FRK: variants seen among roughly 807,000 people sequenced by gnomAD.
The protein encoded by FRK is tyrosine-protein kinase FRK.
FRK carries 51 observed loss-of-function variants against 56.4 expected under a neutral mutation model. That is an observed-to-expected ratio of 0.90 (90% CI 0.72 to 1.14). The LOEUF is 1.14. FRK is among the 50% of genes most tolerant of loss of function. FRK has a pLI of 0.00. For missense variants in FRK, 570 were observed against 601.4 expected (o/e 0.95, Z 0.55); for synonymous variants, 245 against 217.9 (o/e 1.12, Z -1.10).
intron 1 of FRK, among the ~76,000 whole-genome samples, chr6:116,024,511 C>A (rs957058785): frequency 6.6e-6 from 1 of 150,820 alleles, no homozygotes; most frequent in African/African-American, 2.4e-5. Context: ...TGAGAATATG[C>A]GGTGTTTGGT....
intron 2 of FRK, among the ~76,000 whole-genome samples, chr6:115,975,435 A>G (rs921557718): frequency 6.6e-6 from 1 of 152,202 alleles, no homozygotes; most frequent in African/African-American, 2.4e-5. Flanking sequence ...CAAATACAGA[A>G]TACGAACTGT....
chr6:115,961,441 G>T (rs1194703182), intron 4 of FRK, among the ~76,000 whole-genome samples: 1 of 123,318 alleles, frequency 8.1e-6, no homozygotes, highest in Middle Eastern at 3.8e-3. Flanking sequence ...AAAGTGATGT[G>T]GAGAATGGAA....
Position 115,938,128 on chromosome 6 carries a change from T to G in FRK, c.*4286A>C, listed in dbSNP as rs1772084735. 6.6e-6 allele frequency: 1 copy of G among 152,108 alleles called. No homozygotes were observed. The highest frequency in any genetic ancestry group is 2.1e-4 in the South Asian group (1 of 4,824). The allele number at this position is 152,108 out of a possible 1,614,324, so 9.4% of individuals were successfully genotyped here. ...AGAACGGAAGTCATAACAAACAGTC[T>G]CTAAGACCACAGTGCAATCAAATTA... On this transcript the variant is annotated 3_prime_UTR_variant, in exon 8 of 8. Transcript: ENST00000606080.
intron 2 of FRK, among the ~76,000 whole-genome samples, chr6:115,985,592 C>A (rs775905503): frequency 6.6e-6 from 1 of 151,930 alleles, no homozygotes; most frequent in Non-Finnish European, 1.5e-5. Context: ...AGCTGTGTGA[C>A]CTTGGACAGC....
intron 2 of FRK, among the ~76,000 whole-genome samples, chr6:115,996,782 G>A (rs1774857583): frequency 6.6e-6 from 1 of 152,136 alleles, no homozygotes; most frequent in Non-Finnish European, 1.5e-5. Context: ...TACTGAAGGA[G>A]TTTAAAATCT....
intron 3 of FRK, among the ~76,000 whole-genome samples, chr6:115,967,984 G>T (rs1258955668): frequency 4.6e-5 from 7 of 152,036 alleles, no homozygotes; most frequent in Non-Finnish European, 8.8e-5. Context: ...TCCTCACTCA[G>T]GTCTGGAATG....
chr6:116,019,501 T>C (rs187684291), intron 1 of FRK, among the ~76,000 whole-genome samples: 1 of 152,314 alleles, frequency 6.6e-6, no homozygotes, highest in East Asian at 1.9e-4. Flanking sequence ...CGATGACAAT[T>C]ATAACAATCA....
intron 5 of FRK, among the ~76,000 whole-genome samples, chr6:115,949,082 GT>G (rs377245917): frequency 3.9e-5 from 6 of 152,220 alleles, no homozygotes; most frequent in African/African-American, 1.4e-4. Flanking sequence ...TTGGCTCTCT[GT>G]TTTTCTATTA....
chr6:115,992,111 C>T (rs934397734), intron 2 of FRK, among the ~76,000 whole-genome samples: 3 of 151,236 alleles, frequency 2.0e-5, no homozygotes, highest in African/African-American at 4.8e-5. Context: ...TTTGTTTATC[C>T]TTTCAAAGAA....
rs547972436 is a variant in FRK, at chr6:115,940,228, G to A, written c.*2186C>T. On this transcript the variant is annotated 3_prime_UTR_variant, in exon 8 of 8. Transcript: ENST00000606080. ...AAACCTTACAAAAACAACCAATGGGGAAAGGATTCCCTATTTAATAAATGG... is the reference window on the plus strand; with the variant it reads ...AAACCTTACAAAAACAACCAATGGGAAAAGGATTCCCTATTTAATAAATGG... 6.6e-6 allele frequency: 1 copy of A among 152,290 alleles called. No homozygotes were observed. The highest frequency in any genetic ancestry group is 2.1e-4 in the South Asian group (1 of 4,824). The allele number at this position is 152,290 out of a possible 1,614,324, so 9.4% of individuals were successfully genotyped here.
Position 116,042,654 on chromosome 6 carries a change from A to G in FRK, c.344+17314T>C, listed in dbSNP as rs566233759. On this transcript the variant is annotated intron_variant, in intron 1 of 7. Coordinates refer to ENST00000606080, the MANE Select transcript of FRK (RefSeq NM_002031.3). ...ACATACCAAATTGTAAAGACCATCG[A>G]CACTGTGAAGAAACTACATCAACTA... 2.0e-5 allele frequency among the ~76,000 whole-genome samples: 3 copies of G among 152,322 alleles called. No homozygotes were observed. In the South Asian group the frequency reaches 6.2e-4, roughly 32 times the overall value.
rs1773001439 is a variant in FRK at position 115,956,560 on chromosome 6, G to A, written c.850C>T (p.Leu284=). 10 of 1,589,872 alleles carry A rather than the reference G, an allele frequency of 6.3e-6. No homozygotes were observed. In the East Asian group the frequency reaches 2.0e-4, roughly 32 times the overall value. The change falls in exon 5 of 8, where the codon CTA becomes TTA. Residue 284 remains leucine, a synonymous_variant. Coordinates refer to ENST00000606080, the MANE Select transcript of FRK (RefSeq NM_002031.3). ...AGCTGGATAAGCTTTGGATGTCTTAGGTTCTTCATTATCTGTGCCTCCCTC... is the reference window on the plus strand; with the variant it reads ...AGCTGGATAAGCTTTGGATGTCTTAAGTTCTTCATTATCTGTGCCTCCCTC... ...FLREAQIMKN[L]RHPKLIQLYA...
At chr6:116,065,972 A>T in the FRK span, among the ~76,000 whole-genome samples, 2 of 152,182 alleles carry the variant, frequency 1.3e-5, no homozygotes, top group Non-Finnish European at 2.9e-5. Context: ...TCTGTATCAC[A>T]AGGAAAATCT....
intron 2 of FRK, among the ~76,000 whole-genome samples, chr6:115,975,090 T>C (rs1464414234): frequency 6.6e-6 from 1 of 152,128 alleles, no homozygotes; most frequent in East Asian, 1.9e-4. Context: ...TAGGTAATTA[T>C]GGCAATACTT....
In FRK at chr6:115,956,496, A is replaced by G; in HGVS notation, c.914T>C (p.Ile305Thr). Residue 305 changes from isoleucine (I) to threonine (T), a missense_variant, in exon 5 of 8, where the codon ATT (isoleucine) becomes ACT (threonine). Coordinates refer to ENST00000606080, the MANE Select transcript of FRK (RefSeq NM_002031.3). Reference protein sequence around the residue: ...VCTLEDPIYIITELMRHGSLQ... With the variant: ...VCTLEDPIYITTELMRHGSLQ... ...ACTTCCATGTCTCATCAACTCTGTA[A>G]TAATATAAATTGGATCTTCTAAAGT... 6.3e-7 allele frequency: 1 copy of G among 1,579,454 alleles called. No homozygotes were observed. The highest frequency in any genetic ancestry group is 8.6e-7 in the Non-Finnish European group (1 of 1,162,942).
chr6:116,025,469 A>C (rs1776053251), intron 1 of FRK, among the ~76,000 whole-genome samples: 1 of 152,200 alleles, frequency 6.6e-6, no homozygotes, highest in South Asian at 2.1e-4. Flanking sequence ...TTTGACTATG[A>C]AATATTCTAT....
chr6:115,992,773 G>A (rs940038952), intron 2 of FRK, among the ~76,000 whole-genome samples: 12 of 151,714 alleles, frequency 7.9e-5, no homozygotes, highest in Non-Finnish European at 1.2e-4. Context: ...CAAACGATTA[G>A]ACAAGAAATG....
intron 5 of FRK, among the ~76,000 whole-genome samples, chr6:115,946,100 C>T (rs1772440061): frequency 6.6e-6 from 1 of 152,102 alleles, no homozygotes; most frequent in Non-Finnish European, 1.5e-5. Context: ...AATCTCACAT[C>T]AACTCAAACT....
At chr6:115,996,671 G>A in intron 2 of FRK, among the ~76,000 whole-genome samples, 1 of 152,142 alleles carries the variant, frequency 6.6e-6, no homozygotes, top group Non-Finnish European at 1.5e-5. Flanking sequence ...AGACTACAAT[G>A]TAAAGAGGTG....
Sources: allele counts gnomAD v4.1 joint callset (sites outside exome capture counted in the v4.1 genomes callset), GRCh38; gene constraint gnomAD v4.1.1; transcripts MANE v1.5; gene names NCBI Gene and HGNC (gene_info 2026-07-23, HGNC 2026-07-21).